SGCD: variants seen among roughly 807,000 people sequenced by gnomAD.
SGCD encodes the protein delta-sarcoglycan.
A neutral mutation model predicts 36.6 loss-of-function variants in SGCD; 18 were observed. The observed-to-expected ratio is 0.49, with a 90% CI of 0.34 to 0.73. The LOEUF (loss-of-function observed/expected upper bound fraction) is 0.73. SGCD is among the 30% of genes least tolerant of loss of function. The pLI is 0.01. For synonymous variants in SGCD, 133 were observed against 130.6 expected, an observed-to-expected ratio of 1.02 and a Z score of -0.12; for missense variants, 387 against 346.7, an observed-to-expected ratio of 1.12 and a Z score of -0.92.
At chr5:156,705,422 C>T (rs1371892945) in intron 7 of SGCD, among the ~76,000 whole-genome samples, 2 of 152,286 alleles carry the variant, frequency 1.3e-5, no homozygotes, top group African/African-American at 2.4e-5. Flanking sequence ...GAAACTTTAA[C>T]AGCCGTTGGT....
chr5:155,734,046 T>C, the SGCD span, among the ~76,000 whole-genome samples: 1 of 147,856 alleles, frequency 6.8e-6, no homozygotes, highest in African/African-American at 2.5e-5. Context: ...GATTCTCTCT[T>C]TATTTTATTT....
the SGCD span, among the ~76,000 whole-genome samples, chr5:155,731,515 C>T: frequency 4.6e-5 from 7 of 152,136 alleles, no homozygotes; most frequent in Non-Finnish European, 1.0e-4. Flanking sequence ...TCTGGGGAGT[C>T]ATGAATTATG....
intron 3 of SGCD, among the ~76,000 whole-genome samples, chr5:156,178,458 T>A (rs1440870181): frequency 6.6e-6 from 1 of 152,236 alleles, no homozygotes; most frequent in Non-Finnish European, 1.5e-5. Context: ...TCACAACAAA[T>A]CTCTTTTACA....
intron 1 of SGCD, among the ~76,000 whole-genome samples, chr5:156,110,338 A>C (rs1345458216): frequency 6.6e-6 from 1 of 152,094 alleles, no homozygotes; most frequent in African/African-American, 2.4e-5. Flanking sequence ...TGTTTTGCTG[A>C]CCTCTATGAG....
intron 1 of SGCD, among the ~76,000 whole-genome samples, chr5:156,094,752 C>A (rs1200103773): frequency 6.6e-6 from 1 of 152,128 alleles, no homozygotes; most frequent in Non-Finnish European, 1.5e-5. Flanking sequence ...CCTATACTCC[C>A]AGCACTTTGG....
intron 6 of SGCD, among the ~76,000 whole-genome samples, chr5:156,627,323 G>A (rs1403867097): frequency 6.6e-6 from 1 of 152,020 alleles, no homozygotes; most frequent in Non-Finnish European, 1.5e-5. Flanking sequence ...TGGGCCTTGG[G>A]GTAGGGTTTT....
rs191412437 is a variant in SGCD, at chr5:156,483,452, C to G, written c.193-25149C>G. Among the ~76,000 whole-genome samples the G allele has an allele frequency of 4.5e-3, 680 of 152,332 alleles. 1 individual carries two copies. The highest frequency in any genetic ancestry group is 7.7e-3 in the Non-Finnish European group (526 of 68,030). ...TACAAATTGCAGCTGACACAGTACACAGGGGCATACTTGCAGTCAATGCTT... is the reference window on the plus strand; with the variant it reads ...TACAAATTGCAGCTGACACAGTACAGAGGGGCATACTTGCAGTCAATGCTT... On this transcript the variant is annotated intron_variant, in intron 3 of 8. Coordinates refer to ENST00000337851, the MANE Select transcript of SGCD (RefSeq NM_000337.6).
At chr5:156,354,631 G>A (rs1229980886) in intron 3 of SGCD, among the ~76,000 whole-genome samples, 2 of 152,080 alleles carry the variant, frequency 1.3e-5, no homozygotes, top group Admixed American at 6.5e-5. Context: ...AATATTTTTT[G>A]TCTTTGTATA....
At chr5:156,088,704 A>T (rs1360100103) in intron 1 of SGCD, among the ~76,000 whole-genome samples, 1 of 152,108 alleles carries the variant, frequency 6.6e-6, no homozygotes, top group Non-Finnish European at 1.5e-5. Flanking sequence ...ATTATTTATA[A>T]AGACAAAGTC....
the SGCD span, among the ~76,000 whole-genome samples, chr5:155,733,586 C>T: frequency 6.6e-6 from 1 of 151,652 alleles, no homozygotes; most frequent in Non-Finnish European, 1.5e-5. Flanking sequence ...GAACACAAAC[C>T]AAGGAATACC....
chr5:155,837,763 G>C, the SGCD span, among the ~76,000 whole-genome samples: 1 of 152,182 alleles, frequency 6.6e-6, no homozygotes, highest in African/African-American at 2.4e-5. Flanking sequence ...GTAGAAATCA[G>C]CAAAATCACT....
intron 7 of SGCD, among the ~76,000 whole-genome samples, chr5:156,752,291 CG>C (rs1207588742): frequency 6.6e-6 from 1 of 152,112 alleles, no homozygotes; most frequent in South Asian, 2.1e-4. Flanking sequence ...TTGTTACTCC[CG>C]GGGGGAAGGA....
At chr5:156,079,807 C>T (rs898617991) in intron 1 of SGCD, among the ~76,000 whole-genome samples, 1 of 152,220 alleles carries the variant, frequency 6.6e-6, no homozygotes, top group African/African-American at 2.4e-5. Context: ...TGTTGAGTAC[C>T]TGCAGCTTTT....
At chr5:156,253,684 C>T (rs756969612) in intron 3 of SGCD, among the ~76,000 whole-genome samples, 17 of 152,082 alleles carry the variant, frequency 1.1e-4, no homozygotes, top group African/African-American at 1.7e-4. Context: ...TTCTATTACT[C>T]GGATTCCTCA....
intron 5 of SGCD, among the ~76,000 whole-genome samples, chr5:156,593,329 A>G (rs1760797349): frequency 6.6e-6 from 1 of 152,032 alleles, no homozygotes; most frequent in Non-Finnish European, 1.5e-5. Flanking sequence ...CTTCAATGTA[A>G]TTTTTCAGAA....
chr5:156,407,282 TG>T (rs1227334352), intron 3 of SGCD, among the ~76,000 whole-genome samples: 1 of 152,188 alleles, frequency 6.6e-6, no homozygotes, highest in African/African-American at 2.4e-5. Context: ...CACATAAGCC[TG>T]GAACTGTTAT....
chr5:156,611,983 T>C (rs1323217017), intron 6 of SGCD, among the ~76,000 whole-genome samples: 1 of 152,226 alleles, frequency 6.6e-6, no homozygotes, highest in Non-Finnish European at 1.5e-5. Context: ...TTTTTCCTAT[T>C]TCATTGAATT....
intron 3 of SGCD, among the ~76,000 whole-genome samples, chr5:156,501,178 C>T (rs542621406): frequency 1.3e-5 from 2 of 152,136 alleles, no homozygotes; most frequent in Non-Finnish European, 2.9e-5. Context: ...TGTCTACTGC[C>T]CCCCACCCAT....
chr5:156,091,993 CT>C (rs769255485), intron 1 of SGCD, among the ~76,000 whole-genome samples: 2 of 152,248 alleles, frequency 1.3e-5, no homozygotes, highest in African/African-American at 2.4e-5. Flanking sequence ...AGATCTATGC[CT>C]TGTTTCCCAT....
Sources: allele counts gnomAD v4.1 joint callset (sites outside exome capture counted in the v4.1 genomes callset), GRCh38; gene constraint gnomAD v4.1.1; transcripts MANE v1.5; gene names NCBI Gene and HGNC (gene_info 2026-07-23, HGNC 2026-07-21).